PARD6G: variants seen among roughly 807,000 people sequenced by gnomAD.
The protein encoded by PARD6G is partitioning defective 6 homolog gamma.
A neutral mutation model predicts 10.7 loss-of-function variants in PARD6G; 7 were observed. The ratio of observed to expected loss-of-function variants is 0.66; its 90% CI spans 0.37 to 1.23. The LOEUF (loss-of-function observed/expected upper bound fraction) is 1.23. PARD6G is among the 50% of genes most tolerant of loss of function. The pLI, the probability that PARD6G is intolerant of heterozygous loss-of-function variation, is 0.02. For missense variants in PARD6G, 548 were observed against 571.8 expected (o/e 0.96, Z 0.42); for synonymous variants, 287 against 269.4 (o/e 1.07, Z -0.64).
Position 80,183,806 on chromosome 18 carries a change from T to C in PARD6G, c.295+18904A>G, listed in dbSNP as rs932818103. 1 of 152,238 alleles carries C rather than the reference T, an allele frequency of 6.6e-6. No homozygotes were observed. Among genetic ancestry groups the C allele is most frequent in the African/African-American group, 2.4e-5 (1 of 41,422 alleles). The allele number at this position is 152,238 out of a possible 1,614,324, so 9.4% of individuals were successfully genotyped here. On this transcript the variant is annotated intron_variant, in intron 2 of 2. Transcript: ENST00000353265. This position sits in a 1 kb window ranked among gnomAD's most constrained non-coding sequence, Gnocchi z 4.5. ...AATAAATAAGTCCTCTAAATAAAGC[T>C]GTGGTATGAAGTTTAAATGCCCCAA...
Position 80,158,414 on chromosome 18 carries a change from A to C in PARD6G, c.*1357T>G, listed in dbSNP as rs923065328. On this transcript the variant is annotated 3_prime_UTR_variant, in exon 3 of 3. Coordinates refer to ENST00000353265, the MANE Select transcript of PARD6G (RefSeq NM_032510.4). ...CCGAAATCGCCCTCAGAGTCAGTCAACCCACAGGAAAAGGGTCATCTTAGA... is the reference window on the plus strand; with the variant it reads ...CCGAAATCGCCCTCAGAGTCAGTCACCCCACAGGAAAAGGGTCATCTTAGA... The C allele has an allele frequency of 6.6e-6, 1 of 152,234 alleles. No homozygotes were observed. 9.4% of individuals were successfully genotyped at this position (152,234 alleles called of 1,614,324 possible).
Position 80,159,518 on chromosome 18 carries a change from T to G in PARD6G, c.*253A>C, listed in dbSNP as rs2052679983. The G allele has an allele frequency of 6.9e-6, 3 of 433,524 alleles. No homozygotes were observed. The highest frequency in any genetic ancestry group is 1.1e-5 in the Non-Finnish European group (3 of 264,920). 26.9% of individuals were successfully genotyped at this position (433,524 alleles called of 1,614,324 possible). ...TTTGCACTTGGTCAGATCTTTTCTA[T>G]CACTTTGCAAAGGCGCCAAGACCTG... On this transcript the variant is annotated 3_prime_UTR_variant, in exon 3 of 3. Coordinates refer to ENST00000353265, the MANE Select transcript of PARD6G (RefSeq NM_032510.4).
At chr18:80,225,579 A>G (rs2068284782) in intron 1 of PARD6G, among the ~76,000 whole-genome samples, 1 of 152,208 alleles carries the variant, frequency 6.6e-6, no homozygotes, top group Non-Finnish European at 1.5e-5. Context: ...GGTTTTCACA[A>G]AAAAGCAAAA....
intron 1 of PARD6G, among the ~76,000 whole-genome samples, chr18:80,243,769 G>A (rs1428374365): frequency 6.6e-6 from 1 of 152,114 alleles, no homozygotes; most frequent in Admixed American, 6.5e-5. Context: ...TGTCTAAGAA[G>A]GTCCTCAGGA....
At chr18:80,230,866 T>C (rs1023806889) in intron 1 of PARD6G, among the ~76,000 whole-genome samples, 2 of 152,138 alleles carry the variant, frequency 1.3e-5, no homozygotes, top group Non-Finnish European at 2.9e-5. Context: ...GTAATCCTGA[T>C]GGCAACCCTA....
chr18:80,186,367 ACACCCACACATGCTCG>A, intron 2 of PARD6G, among the ~76,000 whole-genome samples: 1 of 43,878 alleles, frequency 2.3e-5, no homozygotes, highest in African/African-American at 8.0e-5. Flanking sequence ...ACATGCTCGC[ACACCCACACATGCTCG>A]CACACCCTCA....
In PARD6G at chr18:80,226,680, G is replaced by A. The variant is rs570771599; in HGVS notation, c.72+20597C>T. ...CTGATTCACAGATGACCCTGAACCG[G>A]AGAAAGATTACATCTGTTAATTATA... On this transcript the variant is annotated intron_variant, in intron 1 of 2. Coordinates refer to ENST00000353265, the MANE Select transcript of PARD6G (RefSeq NM_032510.4). 3.9e-5 allele frequency among the ~76,000 whole-genome samples: 6 copies of A among 152,202 alleles called. No homozygotes were observed. The South Asian group carries it at 1.0e-3, about 26-fold the overall frequency.
Position 80,159,927 on chromosome 18 carries a change from C to T in PARD6G, c.975G>A (p.Arg325=), listed in dbSNP as rs762980156. The T allele has an allele frequency of 2.3e-5, 35 of 1,506,754 alleles. No homozygotes were observed. In the African/African-American group the frequency reaches 4.9e-4, roughly 21 times the overall value. The allele number at this position is 1,506,754 out of a possible 1,614,324, so 93.3% of individuals were successfully genotyped here. The change falls in exon 3 of 3, where the codon CGG becomes CGA. Residue 325 remains arginine (R), a synonymous_variant. Transcript: ENST00000353265. The part of the protein sequence containing the change: ...TPGAPAGSLS[R]VNGAGLAQRL... ...GCTGCGCCAGGCCCGCGCCATTGAC[C>T]CGGGAGAGGCTGCCTGCGGGCGCGC...
intron 1 of PARD6G, among the ~76,000 whole-genome samples, chr18:80,203,463 T>C (rs1007021392): frequency 6.6e-6 from 1 of 151,978 alleles, no homozygotes; most frequent in South Asian, 2.1e-4. Flanking sequence ...GGCCCTCTCG[T>C]CCACACTGAC....
At chr18:80,163,882 G>A (rs1308693006) in intron 2 of PARD6G, among the ~76,000 whole-genome samples, 1 of 152,206 alleles carries the variant, frequency 6.6e-6, no homozygotes, top group Non-Finnish European at 1.5e-5. Context: ...ACAAATATAA[G>A]ATGACGCAGG....
At chr18:80,168,420 CT>C (rs2052750830) in intron 2 of PARD6G, among the ~76,000 whole-genome samples, 1 of 151,794 alleles carries the variant, frequency 6.6e-6, no homozygotes, top group African/African-American at 2.4e-5. Flanking sequence ...TCTAAAATAC[CT>C]TTTTACAAGA....
At chr18:80,187,234 T>C (rs2052884836) in intron 2 of PARD6G, among the ~76,000 whole-genome samples, 1 of 152,196 alleles carries the variant, frequency 6.6e-6, no homozygotes, top group Admixed American at 6.5e-5. Context: ...GTCAGTGTCC[T>C]GCTCTGCCTG....
intron 2 of PARD6G, among the ~76,000 whole-genome samples, chr18:80,176,989 TCA>T (rs1299009820): frequency 1.9e-4 from 24 of 127,386 alleles, no homozygotes; most frequent in Admixed American, 1.4e-3. Context: ...ACAGGATAAA[TCA>T]CAGCCCAAAA....
At chr18:80,160,675 C>T (rs2052694385) in intron 2 of PARD6G, 69 bp from the exon 3 acceptor site, 1 of 1,424,978 alleles carries the variant, frequency 7.0e-7, no homozygotes, top group Non-Finnish European at 9.1e-7. Flanking sequence ...CCGTCATACA[C>T]CTGGCACTGC....
intron 2 of PARD6G, among the ~76,000 whole-genome samples, chr18:80,177,865 G>A (rs946333939): frequency 1.3e-5 from 2 of 149,530 alleles, no homozygotes; most frequent in African/African-American, 5.0e-5. Context: ...GCACACACAT[G>A]TGCACACACA....
At position 80,180,475 on chromosome 18, in the gene PARD6G, C is replaced by A. The variant is rs1431495732; in HGVS notation, c.296-19869G>T. 6.6e-6 allele frequency among the ~76,000 whole-genome samples: 1 copy of A among 152,162 alleles called. No homozygotes were observed. Among genetic ancestry groups the A allele is most frequent in the Non-Finnish European group, 1.5e-5 (1 of 68,008 alleles). ...GGCTCTGCTCCATGGTGTACACCCC[C>A]CAGGTATCACCGGGGCCCTCCCAGG... On this transcript the variant is annotated intron_variant, in intron 2 of 2. Coordinates refer to ENST00000353265, the MANE Select transcript of PARD6G (RefSeq NM_032510.4). This position sits in a 1 kb window ranked among gnomAD's most constrained non-coding sequence, Gnocchi z 5.6.
intron 1 of PARD6G, among the ~76,000 whole-genome samples, chr18:80,217,455 A>G (rs1967181257): frequency 2.0e-5 from 3 of 152,204 alleles, no homozygotes; most frequent in South Asian, 2.1e-4. Context: ...TCTACAGGGG[A>G]GAAACCGGGC....
chr18:80,203,852 G>A (rs1204018526), intron 1 of PARD6G, among the ~76,000 whole-genome samples: 1 of 152,196 alleles, frequency 6.6e-6, no homozygotes, highest in African/African-American at 2.4e-5. Flanking sequence ...ACATGAAATT[G>A]CAAGAATAAA....
Position 80,183,250 on chromosome 18 carries a change from T to G in PARD6G, c.295+19460A>C. Reference sequence around the variant, plus strand: ...CTGCAAAACAAGCTGCAGATAGGCATGGAGAAGAGCAAAGCCGCATACAGG... The same window carrying G: ...CTGCAAAACAAGCTGCAGATAGGCAGGGAGAAGAGCAAAGCCGCATACAGG... On this transcript the variant is annotated intron_variant, in intron 2 of 2. Coordinates refer to ENST00000353265, the MANE Select transcript of PARD6G (RefSeq NM_032510.4). This position sits in a 1 kb window ranked among gnomAD's most constrained non-coding sequence, Gnocchi z 4.5. 1 of 698,702 alleles carries G rather than the reference T, an allele frequency of 1.4e-6. No homozygotes were observed. The allele number at this position is 698,702 out of a possible 1,614,324, so 43.3% of individuals were successfully genotyped here.
Sources: gnomAD v4.1 joint callset for allele counts (sites outside exome capture counted in the v4.1 genomes callset) on GRCh38, gnomAD v4.1.1 for gene constraint, Gnocchi (gnomAD v3.1) non-coding constraint, MANE v1.5 for transcripts, NCBI Gene and HGNC (gene_info 2026-07-23, HGNC 2026-07-21) for gene names.